The following LPIN1 variants were observed in gnomAD, a reference collection of about 807,000 sequenced individuals.
The protein encoded by LPIN1 is lipin 1, also known as phosphatidate phosphatase LPIN1.
A neutral mutation model predicts 107.5 loss-of-function variants in LPIN1; 71 were observed. The observed-to-expected ratio is 0.66, with a 90% CI of 0.55 to 0.80. LPIN1 has a LOEUF of 0.80. Ranked by LOEUF, LPIN1 falls within the 30% of genes least tolerant of loss-of-function variation. The probability of loss-of-function intolerance (pLI) is 0.00; values close to 1 mark genes in which losing one functional copy is unlikely to be tolerated. For missense variants in LPIN1, 1,043 were observed against 1,160.6 expected (o/e 0.90, Z 1.47); for synonymous variants, 445 against 452.6 (o/e 0.98, Z 0.21).
intron 17 of LPIN1, among the ~76,000 whole-genome samples, chr2:11,810,930 C>T (rs1679540484): frequency 6.6e-6 from 1 of 152,178 alleles, no homozygotes; most frequent in Non-Finnish European, 1.5e-5. Context: ...TTGTACCAAG[C>T]CTGGGCATGG....
At chr2:11,677,817 G>C in intron 1 of LPIN1, 1 of 1,165,216 alleles carries the variant, frequency 8.6e-7, no homozygotes, top group Non-Finnish European at 1.2e-6. Flanking sequence ...TGGGACCCGG[G>C]GAACATTTGC....
At chr2:11,813,341 A>G (rs1026703243) in intron 17 of LPIN1, among the ~76,000 whole-genome samples, 2 of 152,192 alleles carry the variant, frequency 1.3e-5, no homozygotes, top group Non-Finnish European at 2.9e-5. Context: ...CATGTAATCA[A>G]TATGAAAACG....
chr2:11,791,590 A>G (rs1023581429), intron 12 of LPIN1: 2 of 1,117,372 alleles, frequency 1.8e-6, no homozygotes, highest in Non-Finnish European at 2.3e-6. Flanking sequence ...TAGCCACTTT[A>G]ATTTGAAAAC....
intron 17 of LPIN1, among the ~76,000 whole-genome samples, chr2:11,812,771 G>A (rs1315581896): frequency 6.6e-6 from 1 of 152,206 alleles, no homozygotes; most frequent in Non-Finnish European, 1.5e-5. Flanking sequence ...GGAGGGCTCT[G>A]AGTGTGAGTG....
In LPIN1 at chr2:11,737,263, C is replaced by T. The variant is rs931576535; in HGVS notation, c.-71-4086C>T. On this transcript the variant is annotated intron_variant, in intron 1 of 21. Transcript: ENST00000396097. ...AAGGATTAAAGACTTAAACATAAGA[C>T]CTAAAACCATAAAAACCCTAGAAGA... Among the ~76,000 whole-genome samples, 3 of 152,266 alleles carry T rather than the reference C, an allele frequency of 2.0e-5. No homozygotes were observed. In the Middle Eastern group the frequency reaches 0.01, roughly 518 times the overall value.
intron 1 of LPIN1, among the ~76,000 whole-genome samples, chr2:11,761,612 C>G (rs1436508185): frequency 6.6e-6 from 1 of 152,100 alleles, no homozygotes. Context: ...GTTCTCTGGC[C>G]TGTTCTAAAT....
At chr2:11,799,275 G>A (rs1677262403) in intron 14 of LPIN1, among the ~76,000 whole-genome samples, 1 of 152,052 alleles carries the variant, frequency 6.6e-6, no homozygotes, top group African/African-American at 2.4e-5. Flanking sequence ...GCAGCAGATG[G>A]AAATCACAGC....
intron 3 of LPIN1, among the ~76,000 whole-genome samples, chr2:11,769,364 T>A (rs555616869): frequency 6.6e-6 from 1 of 152,336 alleles, no homozygotes; most frequent in Non-Finnish European, 1.5e-5. Context: ...TCTGAATCTT[T>A]GGAGAAATGT....
At chr2:11,727,891 T>TA (rs1361918511) in intron 1 of LPIN1, among the ~76,000 whole-genome samples, 1 of 152,234 alleles carries the variant, frequency 6.6e-6, no homozygotes, top group Non-Finnish European at 1.5e-5. Context: ...GGTCGACAAA[T>TA]ACAGCATTCG....
At chr2:11,700,046 ATTG>A (rs1383124856) in intron 1 of LPIN1, among the ~76,000 whole-genome samples, 1 of 152,058 alleles carries the variant, frequency 6.6e-6, no homozygotes, top group South Asian at 2.1e-4. Context: ...TCTTTCTTTG[ATTG>A]TTATTCTAGG....
chr2:11,720,256 A>C (rs1012935328), upstream of LPIN1, among the ~76,000 whole-genome samples: 3 of 152,104 alleles, frequency 2.0e-5, no homozygotes, highest in African/African-American at 4.8e-5. Context: ...ATTATGATGA[A>C]TATCTTTTTG....
chr2:11,794,342 C>G (rs201888125), intron 13 of LPIN1, among the ~76,000 whole-genome samples: 1 of 152,118 alleles, frequency 6.6e-6, no homozygotes, highest in African/African-American at 2.4e-5. Context: ...AAGTAAGGAA[C>G]AGTTATGAAA....
intron 1 of LPIN1, among the ~76,000 whole-genome samples, chr2:11,739,457 A>C (rs981554487): frequency 2.0e-5 from 3 of 152,264 alleles, no homozygotes; most frequent in Non-Finnish European, 4.4e-5. Flanking sequence ...CTACATTTCC[A>C]TCAGCCAGAC....
intron 18 of LPIN1, 28 bp from the exon 19 acceptor site, chr2:11,819,456 G>A: frequency 7.2e-7 from 1 of 1,390,662 alleles, no homozygotes; most frequent in South Asian, 1.2e-5. Context: ...AGCCTCTCAT[G>A]TTAATCTGTT....
upstream of LPIN1, chr2:11,746,551 G>T (rs1666939936): frequency 1.0e-5 from 6 of 589,804 alleles, no homozygotes; most frequent in African/African-American, 2.0e-5. Flanking sequence ...GCACCGCCCC[G>T]CTTGCCCCGC....
intron 1 of LPIN1, among the ~76,000 whole-genome samples, chr2:11,759,146 TTTC>T (rs1468391868): frequency 1.2e-3 from 157 of 134,590 alleles, no homozygotes; most frequent in African/African-American, 4.1e-3. Flanking sequence ...TCTTTCTTTC[TTTC>T]TTTCTTTCTT....
chr2:11,814,054 T>C (rs1254124119), intron 17 of LPIN1, among the ~76,000 whole-genome samples: 5 of 150,124 alleles, frequency 3.3e-5, no homozygotes, highest in African/African-American at 1.2e-4. Context: ...CTCTAGGGAG[T>C]GTGGGGGGTG....
At chr2:11,822,725 T>C (rs1162343852) in intron 20 of LPIN1, among the ~76,000 whole-genome samples, 8 of 152,034 alleles carry the variant, frequency 5.3e-5, no homozygotes, top group Admixed American at 5.2e-4. Context: ...CCAAACCATA[T>C]CAGGATCAAA....
Position 11,795,486 on chromosome 2 carries a change from A to G in LPIN1, c.1885A>G (p.Arg629Gly). Residue 629 changes from arginine to glycine, a missense_variant and splice_region_variant, in exon 14 of 21, where the codon AGG becomes GGG. By Grantham distance (125) the Arg-to-Gly change is moderately radical. Transcript: ENST00000674199. ...ACCGCCGCAGCTCAGCTTGGCCACC[A>G]GGTGCGGTAGGAGGCTTCTTGGGAT... is the stretch of plus-strand genomic sequence containing the variant. ...EQPPQLSLAT[R>G]VKHESSSSDE... 2 of 1,614,034 alleles carry G rather than the reference A, an allele frequency of 1.2e-6. No homozygotes were observed. Among genetic ancestry groups the G allele is most frequent in the Non-Finnish European group, 1.7e-6 (2 of 1,179,922 alleles).
Sources: allele counts gnomAD v4.1 joint callset (sites outside exome capture counted in the v4.1 genomes callset), GRCh38; gene constraint gnomAD v4.1.1; transcripts MANE v1.5; gene names NCBI Gene and HGNC (gene_info 2026-07-23, HGNC 2026-07-21).